The following NAA60 variants were observed in gnomAD, a reference collection of about 807,000 sequenced individuals.
The protein encoded by NAA60 is N-alpha-acetyltransferase 60.
Under a neutral mutation model 26.1 loss-of-function variants are expected in NAA60, and 8 were observed. The ratio of observed to expected loss-of-function variants is 0.31; its 90% confidence interval spans 0.18 to 0.55. NAA60 has a LOEUF of 0.55. Among genes scored for constraint, NAA60 ranks in the 20% least tolerant of loss-of-function variants. The probability of loss-of-function intolerance (pLI) is 0.93; values close to 1 mark genes in which losing one functional copy is unlikely to be tolerated. For synonymous variants in NAA60, 131 were observed against 122.5 expected, an observed-to-expected ratio of 1.07 and a Z score of -0.46; for missense variants, 290 against 311.3, an observed-to-expected ratio of 0.93 and a Z score of 0.51.
In NAA60 at chr16:3,479,592, C is replaced by A; in HGVS notation, c.232C>A (p.His78Asn). 6.2e-7 allele frequency: 1 copy of A among 1,614,004 alleles called. No individual in the cohort carries two copies. Among genetic ancestry groups the A allele is most frequent in the East Asian group, 2.2e-5 (1 of 44,884 alleles). ...TGAAATTAAGAACAGGACCAAAATA[C>A]ATAAAGAGGTACGTACGTGTGTGCA... Reference protein sequence around the residue: ...VAEIKNRTKIHKEDGDILASN... With the variant: ...VAEIKNRTKINKEDGDILASN... The change falls in exon 4 of 8, where the codon CAT (histidine) becomes AAT (asparagine). Residue 78 changes from histidine to asparagine, a missense_variant. Transcript: ENST00000407558.
chr16:3,485,220 T>TGC (rs1217155274), intron 7 of NAA60, 159 bp downstream of exon 7: 1 of 684,762 alleles, frequency 1.5e-6, no homozygotes, highest in African/African-American at 1.8e-5. Flanking sequence ...GTTTGGTGAC[T>TGC]TGTGCCAAGC....
At chr16:3,458,718 C>A (rs992492936) in intron 2 of NAA60, among the ~76,000 whole-genome samples, 1 of 152,188 alleles carries the variant, frequency 6.6e-6, no homozygotes, top group Non-Finnish European at 1.5e-5. Flanking sequence ...TAGGTCTCCT[C>A]CTAGTCTTAT....
intron 2 of NAA60, among the ~76,000 whole-genome samples, chr16:3,475,238 C>T (rs1016680213): frequency 6.6e-6 from 1 of 152,050 alleles, no homozygotes; most frequent in African/African-American, 2.4e-5. Context: ...TACAGTTGCC[C>T]GCCACCAAGC....
chr16:3,477,619 G>A (rs1347026959), intron 3 of NAA60, among the ~76,000 whole-genome samples: 2 of 149,946 alleles, frequency 1.3e-5, no homozygotes, highest in East Asian at 4.1e-4. Flanking sequence ...TGGCCAACAT[G>A]GTGAAACCTC....
intron 2 of NAA60, among the ~76,000 whole-genome samples, chr16:3,451,084 C>T (rs1379075841): frequency 6.6e-6 from 1 of 152,208 alleles, no homozygotes; most frequent in Non-Finnish European, 1.5e-5. Context: ...ACAACAAACA[C>T]CTCTGTTGCA....
rs1298501299 is a variant in NAA60 at position 3,443,815 on chromosome 16, C to T, written c.-99C>T. On this transcript the variant is annotated 5_prime_UTR_variant, in exon 1 of 8. An upstream open reading frame in the 5' UTR gains an earlier in-frame stop. Transcript: ENST00000407558. ...AAGAAGACTGGGAGACACCGGAACT[C>T]GAAAGAAAATCGGTAACAAAATGTG... is the stretch of plus-strand genomic sequence containing the variant. 1.3e-6 allele frequency: 2 copies of T among 1,534,592 alleles called. No individual in the cohort carries two copies. The highest frequency in any genetic ancestry group is 1.7e-6 in the Non-Finnish European group (2 of 1,146,346).
At chr16:3,483,815 A>T in intron 6 of NAA60, 2 of 556,002 alleles carry the variant, frequency 3.6e-6, no homozygotes, top group East Asian at 6.2e-5. Flanking sequence ...CTGGTCTCGA[A>T]CTCCTAAGCT....
chr16:3,453,714 A>G (rs968817048), intron 2 of NAA60, among the ~76,000 whole-genome samples: 1 of 152,138 alleles, frequency 6.6e-6, no homozygotes, highest in East Asian at 1.9e-4. Context: ...AGCTAATAAT[A>G]ATAATTTGAA....
At chr16:3,449,709 C>T (rs1289292345) in intron 2 of NAA60, among the ~76,000 whole-genome samples, 1 of 152,008 alleles carries the variant, frequency 6.6e-6, no homozygotes, top group Non-Finnish European at 1.5e-5. Context: ...TGTCCCCACC[C>T]AAATCTCATC....
intron 2 of NAA60, among the ~76,000 whole-genome samples, chr16:3,475,348 G>A (rs139424457): frequency 1.3e-3 from 192 of 149,338 alleles, no homozygotes; most frequent in African/African-American, 4.1e-3. Context: ...CCTTGGCCTC[G>A]CAAAGTGCTG....
At chr16:3,445,878 T>C (rs2034530304) in intron 1 of NAA60, among the ~76,000 whole-genome samples, 1 of 152,166 alleles carries the variant, frequency 6.6e-6, no homozygotes, top group Non-Finnish European at 1.5e-5. Context: ...AGGAGGAAGC[T>C]TGAAAGCTTT....
chr16:3,448,722 G>A, intron 2 of NAA60, 182 bp downstream of exon 2: 1 of 561,444 alleles, frequency 1.8e-6, no homozygotes. Context: ...GGGTAAATGA[G>A]TATATTCTTA....
chr16:3,471,790 G>A (rs2036164750), intron 2 of NAA60, among the ~76,000 whole-genome samples: 2 of 152,288 alleles, frequency 1.3e-5, no homozygotes, highest in South Asian at 4.1e-4. Context: ...ATGGGCTCTG[G>A]AGTTCTGCCC....
chr16:3,475,093 CT>C (rs3031367), intron 2 of NAA60, among the ~76,000 whole-genome samples: 1,846 of 135,128 alleles, frequency 0.014, 48 homozygotes, highest in South Asian at 0.13. Flanking sequence ...CCATCCTTTC[CT>C]TTTTTTTTTT....
At position 3,458,806 on chromosome 16, in the gene NAA60, C is replaced by T. The variant is rs150480029; in HGVS notation, c.-7+10266C>T. Among the ~76,000 whole-genome samples the T allele has an allele frequency of 1.5e-3, 221 of 152,320 alleles. 1 individual carries two copies. Among genetic ancestry groups the T allele is most frequent in the Middle Eastern group, 6.8e-3 (2 of 294 alleles). ...GACCGGCCCTACAGAACCCACACCC[C>T]CAGCTCCGACTTTCTTCTCCAGATT... On this transcript the variant is annotated intron_variant, in intron 2 of 7. Transcript: ENST00000407558.
chr16:3,465,095 G>A (rs536134461), intron 2 of NAA60, among the ~76,000 whole-genome samples: 4 of 152,120 alleles, frequency 2.6e-5, no homozygotes, highest in South Asian at 4.1e-4. Flanking sequence ...GTGAAACCCC[G>A]TCTCTACTAA....
At chr16:3,450,984 G>C (rs924146670) in intron 2 of NAA60, among the ~76,000 whole-genome samples, 1 of 152,210 alleles carries the variant, frequency 6.6e-6, no homozygotes, top group African/African-American at 2.4e-5. Context: ...ACATGCAGGA[G>C]GGATTATAAC....
rs2036908352 is a variant in NAA60 at position 3,482,599 on chromosome 16, G to A, written c.337+1G>A. ...AAAGAGTTCAGGAAGCACGGCATAG[G>A]TAAGGGCAGCCGGGCCCGCGGCTTG... On this transcript the variant is annotated splice_donor_variant, in intron 5 of 7. Transcript: ENST00000407558. LOFTEE classifies it high-confidence loss of function. 6.3e-7 allele frequency: 1 copy of A among 1,599,670 alleles called. No individual in the cohort carries two copies. The highest frequency in any genetic ancestry group is 8.5e-7 in the Non-Finnish European group (1 of 1,173,464).
In NAA60 at chr16:3,470,962, G is replaced by T. The variant is rs114087176; in HGVS notation, c.-6-5260G>T. 6.6e-3 allele frequency among the ~76,000 whole-genome samples: 894 copies of T among 135,494 alleles called. 12 individuals carry two copies. The highest frequency in any genetic ancestry group is 0.027 in the African/African-American group (843 of 31,700). 88.9% of individuals were successfully genotyped at this position (135,494 alleles called of 152,430 possible). ...TTTGGCCCTGACTTAGGTGTGACGC[G>T]TTTCCATTTTTAAATCGAGTGTAAA... On this transcript the variant is annotated intron_variant, in intron 2 of 7. Transcript: ENST00000407558.
Sources: allele counts gnomAD v4.1 joint callset (sites outside exome capture counted in the v4.1 genomes callset), GRCh38; gene constraint gnomAD v4.1.1; transcripts MANE v1.5; gene names NCBI Gene and HGNC (gene_info 2026-07-23, HGNC 2026-07-21).